Variants in OR51B5 observed in about 807,000 individuals in gnomAD.
OR51B5 encodes olfactory receptor family 51 subfamily B member 5.
For synonymous variants in OR51B5, 186 were observed against 144.8 expected, an observed-to-expected ratio of 1.28 and a Z score of -2.04; for missense variants, 456 against 374.6, an observed-to-expected ratio of 1.22 and a Z score of -1.79.
exon 1 of OR51B5, chr11:5,343,389 G>A: frequency 6.2e-7 from 1 of 1,613,966 alleles, no homozygotes; most frequent in Non-Finnish European, 8.5e-7. Context: ...TCCTTAATGA[G>A]AAGAAGGAGG....
chr11:5,489,799 A>G, intron 1 of OR51B5: 2 of 681,204 alleles, frequency 2.9e-6, no homozygotes, highest in South Asian at 1.9e-5. Context: ...GAATAGCCAG[A>G]TGAATCAGAG....
At chr11:5,461,118 A>ACTGCGTGTGAGGGTG (rs1326169959) in intron 1 of OR51B5, among the ~76,000 whole-genome samples, 221 of 152,304 alleles carry the variant, frequency 1.5e-3, no homozygotes, top group African/African-American at 5.2e-3. Context: ...GAGGGTGCAC[A>ACTGCGTGTGAGGGTG]AGCGGATCAC....
At chr11:5,494,837 G>C (rs1216694871) in intron 1 of OR51B5, among the ~76,000 whole-genome samples, 1 of 152,136 alleles carries the variant, frequency 6.6e-6, no homozygotes, top group Non-Finnish European at 1.5e-5. Flanking sequence ...AAAAATCTTT[G>C]GTACATCTTG....
intron 1 of OR51B5, among the ~76,000 whole-genome samples, chr11:5,457,345 T>C (rs1281610749): frequency 6.6e-6 from 1 of 152,234 alleles, no homozygotes; most frequent in Non-Finnish European, 1.5e-5. Context: ...TATTCCATGG[T>C]ATATATGTAC....
At chr11:5,375,244 G>C (rs1044446298) in intron 1 of OR51B5, among the ~76,000 whole-genome samples, 15 of 149,944 alleles carry the variant, frequency 1.0e-4, no homozygotes, top group African/African-American at 3.7e-4. Flanking sequence ...AGCTTCATAA[G>C]TGAAGGAGAA....
intron 1 of OR51B5, chr11:5,489,208 C>A (rs374416246): frequency 6.2e-7 from 1 of 1,613,692 alleles, no homozygotes; most frequent in African/African-American, 1.3e-5. Flanking sequence ...CTTGCTGAGG[C>A]GACTCCCCTA....
At chr11:5,373,813 AC>A (rs1249354836) in intron 1 of OR51B5, among the ~76,000 whole-genome samples, 1 of 152,184 alleles carries the variant, frequency 6.6e-6, no homozygotes, top group Non-Finnish European at 1.5e-5. Flanking sequence ...GCTTAGGTAA[AC>A]AAAGCAGCCA....
intron 1 of OR51B5, among the ~76,000 whole-genome samples, chr11:5,358,777 T>A (rs1849234200): frequency 6.6e-6 from 1 of 152,044 alleles, no homozygotes; most frequent in Non-Finnish European, 1.5e-5. Context: ...CAGCAGCACA[T>A]CCAAAAGCTT....
Position 5,356,253 on chromosome 11 carries a change from A to G in OR51B5, n.85-9343T>C, listed in dbSNP as rs185870814. On this transcript the variant is annotated intron_variant and non_coding_transcript_variant, in intron 1 of 4. Transcript: ENST00000415970. ...AAATAAATTAGACTAATGGCTAACT[A>G]GAATAACCAATACAGAGAAGTCCTT... Among the ~76,000 whole-genome samples the G allele has an allele frequency of 4.6e-5, 7 of 152,206 alleles. No individual in the cohort carries two copies. In the East Asian group the frequency reaches 1.4e-3, roughly 29 times the overall value.
chr11:5,461,338 G>A (rs1002880190), intron 1 of OR51B5, among the ~76,000 whole-genome samples: 3 of 152,184 alleles, frequency 2.0e-5, no homozygotes, highest in South Asian at 2.1e-4. Flanking sequence ...AAAGTGTTCC[G>A]AGGGCGGGGG....
At chr11:5,483,012 T>C (rs1030135481) in intron 1 of OR51B5, among the ~76,000 whole-genome samples, 1 of 135,212 alleles carries the variant, frequency 7.4e-6, no homozygotes, top group Non-Finnish European at 1.6e-5. Flanking sequence ...ACTGGGTATA[T>C]ACCCAAAGGA....
chr11:5,489,613 A>G, intron 1 of OR51B5: 2 of 1,613,856 alleles, frequency 1.2e-6, no homozygotes, highest in Middle Eastern at 1.7e-4. Context: ...AACCAAGGAG[A>G]TTCGGAGTCG....
chr11:5,434,616 A>C (rs1326373189), intron 1 of OR51B5, among the ~76,000 whole-genome samples: 2 of 152,194 alleles, frequency 1.3e-5, no homozygotes, highest in Non-Finnish European at 2.9e-5. Context: ...GGAAGTAAGA[A>C]TCAAGACTTC....
chr11:5,369,420 C>T (rs1849418669), intron 1 of OR51B5, among the ~76,000 whole-genome samples: 1 of 152,004 alleles, frequency 6.6e-6, no homozygotes, highest in East Asian at 1.9e-4. Context: ...ATCTATTATA[C>T]CTCAGTAAAA....
intron 1 of OR51B5, among the ~76,000 whole-genome samples, chr11:5,421,195 C>G (rs961695590): frequency 6.6e-6 from 1 of 152,212 alleles, no homozygotes; most frequent in Non-Finnish European, 1.5e-5. Context: ...GGACCCAGGT[C>G]CCAAGATGCG....
chr11:5,396,092 C>T (rs970066119), intron 1 of OR51B5, among the ~76,000 whole-genome samples: 3 of 152,260 alleles, frequency 2.0e-5, no homozygotes, highest in Admixed American at 2.0e-4. Flanking sequence ...GATTGTAATA[C>T]AGATCTGGTC....
chr11:5,459,603 A>G (rs1428057645), intron 1 of OR51B5, among the ~76,000 whole-genome samples: 1 of 152,116 alleles, frequency 6.6e-6, no homozygotes, highest in Non-Finnish European at 1.5e-5. Flanking sequence ...GAAGATATAC[A>G]GGTGGCCAAG....
intron 1 of OR51B5, among the ~76,000 whole-genome samples, chr11:5,374,329 G>T (rs187786252): frequency 0.094 from 14,227 of 151,626 alleles, 896 homozygotes; most frequent in African/African-American, 0.18. Flanking sequence ...AAAACCCATC[G>T]GTACATCACT....
chr11:5,455,582 A>T (rs993329954), intron 1 of OR51B5: 6 of 150,314 alleles, frequency 4.0e-5, no homozygotes, highest in Admixed American at 4.0e-4. Flanking sequence ...AGAGAGAAAG[A>T]GAAAGAGAGA....
Sources: gnomAD v4.1 joint callset for allele counts (sites outside exome capture counted in the v4.1 genomes callset) on GRCh38, gnomAD v4.1.1 for gene constraint, MANE v1.5 for transcripts, NCBI Gene and HGNC (gene_info 2026-07-23, HGNC 2026-07-21) for gene names.